The following PADI4 variants were observed in gnomAD, a reference collection of about 807,000 sequenced individuals.
PADI4 encodes the protein protein-arginine deiminase type-4.
Under a neutral mutation model 75.0 loss-of-function variants are expected in PADI4, and 62 were observed. The observed-to-expected ratio is 0.83, with a 90% CI of 0.67 to 1.02. PADI4 has a LOEUF of 1.02. Among genes scored for constraint, PADI4 ranks in the 50% least tolerant of loss-of-function variants. The pLI is 0.00. For synonymous variants in PADI4, 361 were observed against 348.1 expected (o/e 1.04, Z -0.41); for missense variants, 845 against 850.5 (o/e 0.99, Z 0.08).
At chr1:17,310,062 C>T (rs1299696404) in intron 1 of PADI4, among the ~76,000 whole-genome samples, 2 of 152,188 alleles carry the variant, frequency 1.3e-5, no homozygotes, top group Non-Finnish European at 2.9e-5. Flanking sequence ...TTCACAGGGG[C>T]CTCTAAATCC....
At chr1:17,358,976 T>A in intron 14 of PADI4, 68 bp downstream of exon 14, 2 of 1,054,114 alleles carry the variant, frequency 1.9e-6, no homozygotes, top group Non-Finnish European at 2.8e-6. Context: ...ACTTTCCCAG[T>A]GATTAGAGGC....
At chr1:17,342,614 C>T (rs2074443430) in intron 8 of PADI4, among the ~76,000 whole-genome samples, 1 of 152,312 alleles carries the variant, frequency 6.6e-6, no homozygotes, top group South Asian at 2.1e-4. Flanking sequence ...TACGTTAACT[C>T]CCAGGGGCCT....
At chr1:17,338,187 C>G (rs747707413) in intron 5 of PADI4, 32 bp downstream of exon 5, 2 of 1,419,310 alleles carry the variant, frequency 1.4e-6, no homozygotes, top group Non-Finnish European at 2.0e-6. Flanking sequence ...ACGGGAAGGG[C>G]TTTTTATAAA....
intron 4 of PADI4, among the ~76,000 whole-genome samples, chr1:17,337,151 G>GTATTTATTTATT (rs144819181): frequency 1.4e-5 from 2 of 142,492 alleles, no homozygotes; most frequent in South Asian, 2.2e-4. Flanking sequence ...ATGTATTTAT[G>GTATTTATTTATT]TATTTATTTA....
At chr1:17,361,527 G>A (rs1226465308) in intron 15 of PADI4, among the ~76,000 whole-genome samples, 1 of 152,228 alleles carries the variant, frequency 6.6e-6, no homozygotes, top group African/African-American at 2.4e-5. Flanking sequence ...TGTCTAGGCG[G>A]TGGCCCCCTT....
intron 11 of PADI4, 74 bp downstream of exon 11, chr1:17,354,761 G>C: frequency 2.5e-4 from 338 of 1,346,454 alleles, no homozygotes; most frequent in Non-Finnish European, 3.1e-4. Flanking sequence ...CAGAGTGGAA[G>C]CCTTGCCTTC....
intron 10 of PADI4, 69 bp from the exon 11 acceptor site, chr1:17,354,464 T>C (rs2074724444): frequency 7.0e-7 from 1 of 1,431,158 alleles, no homozygotes; most frequent in Non-Finnish European, 9.9e-7. Flanking sequence ...ATCTCTAAAC[T>C]TGGACCCCCC....
At position 17,310,415 on chromosome 1, in the gene PADI4, A is replaced by G. The variant is rs577625837; in HGVS notation, c.92+2101A>G. On this transcript the variant is annotated intron_variant, in intron 1 of 15. Transcript: ENST00000375448. ...TAGCCCCAGACAGCGCCTCCCTCCC[A>G]TCTCCTGAGCAGCCATCGGCCTCTT... is the stretch of plus-strand genomic sequence containing the variant. Among the ~76,000 whole-genome samples the G allele has an allele frequency of 4.6e-5, 7 of 152,016 alleles. No homozygotes were observed. The East Asian group carries it at 1.2e-3, about 25-fold the overall frequency.
rs534562374 is a variant in PADI4, at chr1:17,346,478, C to T, written c.1047+339C>T. ...TCCCTCCAGGCTGTCCATCTTGGGC[C>T]CAGCCACCAAAGCAGGTCACACCCC... On this transcript the variant is annotated intron_variant, in intron 9 of 15. Transcript: ENST00000375448. The surrounding 1 kb of genome is among the most constrained non-coding windows in gnomAD (Gnocchi z 4.3). Among the ~76,000 whole-genome samples the T allele has an allele frequency of 2.6e-5, 4 of 152,252 alleles. No homozygotes were observed. Among genetic ancestry groups the T allele is most frequent in the Admixed American group, 2.6e-4 (4 of 15,300 alleles).
intron 8 of PADI4, among the ~76,000 whole-genome samples, chr1:17,343,821 G>A (rs893967531): frequency 6.6e-6 from 1 of 152,176 alleles, no homozygotes; most frequent in Non-Finnish European, 1.5e-5. Flanking sequence ...GGGAGTGTAA[G>A]TCCAATTAAA....
Position 17,347,803 on chromosome 1 carries a change from G to A in PADI4, c.1048-138G>A, listed in dbSNP as rs75423317. The stretch of plus-strand genomic sequence containing the variant: ...AGCTCCGCTTCTGAGCCCCTTCTCT[G>A]AGATCAAACATCCCATAGGAATGTG... On this transcript the variant is annotated intron_variant, in intron 9 of 15. Transcript: ENST00000375448. 1,663 of 491,406 alleles carry A rather than the reference G, an allele frequency of 3.4e-3. 30 individuals carry two copies. Among genetic ancestry groups the A allele is most frequent in the African/African-American group, 0.029 (1,495 of 51,582 alleles). The allele number at this position is 491,406 out of a possible 1,614,324, so 30.4% of individuals were successfully genotyped here.
At chr1:17,340,151 T>C (rs1247236396) in intron 6 of PADI4, among the ~76,000 whole-genome samples, 2 of 152,096 alleles carry the variant, frequency 1.3e-5, no homozygotes, top group Non-Finnish European at 2.9e-5. Context: ...AACATCCTGC[T>C]AATCAGAGAC....
intron 13 of PADI4, 45 bp from the exon 14 acceptor site, chr1:17,358,793 G>C (rs780970817): frequency 7.6e-7 from 1 of 1,320,966 alleles, no homozygotes; most frequent in Admixed American, 2.0e-5. Flanking sequence ...GAGGGAAATC[G>C]ACCTCTAAGT....
chr1:17,341,866 T>G, intron 6 of PADI4, 77 bp from the exon 7 acceptor site: 1 of 1,133,094 alleles, frequency 8.8e-7, no homozygotes, highest in South Asian at 1.4e-5. Context: ...GAAAGGCTTC[T>G]GGGGAGCACT....
intron 13 of PADI4, among the ~76,000 whole-genome samples, chr1:17,357,031 T>G (rs1635564): frequency 0.76 from 116,053 of 152,072 alleles, 45,345 homozygotes; most frequent in African/African-American, 0.94. Context: ...AGGAGAGGGC[T>G]GACCTGTTTC....
intron 10 of PADI4, among the ~76,000 whole-genome samples, chr1:17,352,136 G>A (rs2074664962): frequency 6.6e-6 from 1 of 150,834 alleles, no homozygotes; most frequent in African/African-American, 2.4e-5. Context: ...GGTGATGGGA[G>A]GCAGTAGGAG....
In PADI4 at chr1:17,355,964, T is replaced by C; in HGVS notation, c.1311-19T>C. On this transcript the variant is annotated intron_variant, in intron 11 of 15. Coordinates refer to ENST00000375448, the MANE Select transcript of PADI4 (RefSeq NM_012387.3). ...TAGCCCTTGCTGCCGATAACACCCC[T>C]TTAACCCTGCCATGACAGCAATGAC... 1 of 1,614,094 alleles carries C rather than the reference T, an allele frequency of 6.2e-7. No individual in the cohort carries two copies. Among genetic ancestry groups the C allele is most frequent in the Non-Finnish European group, 8.5e-7 (1 of 1,180,000 alleles).
intron 8 of PADI4, 100 bp downstream of exon 8, chr1:17,342,502 C>T: frequency 4.2e-6 from 3 of 708,614 alleles, no homozygotes; most frequent in Admixed American, 2.7e-5. Flanking sequence ...CACCCCTCCC[C>T]TGCCCACTGA....
chr1:17,361,285 A>G (rs79450336), intron 15 of PADI4, among the ~76,000 whole-genome samples: 2 of 152,246 alleles, frequency 1.3e-5, no homozygotes, highest in African/African-American at 2.4e-5. Flanking sequence ...ATTGACCCCA[A>G]GCGTTTTGTT....
Sources: allele counts gnomAD v4.1 joint callset (sites outside exome capture counted in the v4.1 genomes callset), GRCh38; gene constraint gnomAD v4.1.1; non-coding constraint Gnocchi (gnomAD v3.1); transcripts MANE v1.5; gene names NCBI Gene and HGNC (gene_info 2026-07-23, HGNC 2026-07-21).